Variants in SYAP1 observed in about 807,000 individuals in gnomAD.
SYAP1 encodes synapse-associated protein 1.
SYAP1 carries 3 observed loss-of-function variants against 29.6 expected under a neutral mutation model. The observed-to-expected ratio is 0.10, with a 90% CI of 0.05 to 0.26. The LOEUF is 0.26. SYAP1 is among the 10% of genes least tolerant of loss of function. The probability of loss-of-function intolerance (pLI) is 1.00; values close to 1 mark genes in which losing one functional copy is unlikely to be tolerated. For synonymous variants in SYAP1, 102 were observed against 102.7 expected, an observed-to-expected ratio of 0.99 and a Z score of 0.04; for missense variants, 217 against 264.1, an observed-to-expected ratio of 0.82 and a Z score of 1.24.
At chrX:16,724,320 G>A (rs998334498) in intron 1 of SYAP1, among the ~76,000 whole-genome samples, 6 of 111,502 alleles carry the variant, frequency 5.4e-5, no homozygotes, top group Non-Finnish European at 9.4e-5. Flanking sequence ...GGGACTGGTC[G>A]TATAGGTATC....
chrX:16,729,038 CG>C (rs775954157), intron 1 of SYAP1, among the ~76,000 whole-genome samples: 47 of 73,455 alleles, frequency 6.4e-4, no homozygotes, highest in East Asian at 1.1e-3. Flanking sequence ...GCAGCTATCT[CG>C]AAAAAAAAAA....
chrX:16,721,119 C>A (rs746741633), intron 1 of SYAP1, among the ~76,000 whole-genome samples: 2 of 92,106 alleles, frequency 2.2e-5, no homozygotes, highest in Non-Finnish European at 4.0e-5. Flanking sequence ...ATACTAAGTT[C>A]AGCAACATTT....
chrX:16,742,920 ATTT>A (rs761130108), intron 4 of SYAP1, among the ~76,000 whole-genome samples: 1 of 62,992 alleles, frequency 1.6e-5, no homozygotes, highest in Non-Finnish European at 2.9e-5. Flanking sequence ...GTCCGCTTCT[ATTT>A]TTTTTTTTTT....
intron 1 of SYAP1, among the ~76,000 whole-genome samples, chrX:16,720,686 C>G (rs887552185): frequency 1.8e-5 from 2 of 111,893 alleles, no homozygotes; most frequent in African/African-American, 6.5e-5. Context: ...ATTCTCATTT[C>G]TGGAGAGACC....
intron 1 of SYAP1, among the ~76,000 whole-genome samples, chrX:16,729,041 A>G (rs1369492732): frequency 2.2e-5 from 2 of 89,086 alleles, no homozygotes; most frequent in Admixed American, 2.5e-4. Context: ...GCTATCTCGA[A>G]AAAAAAAAAA....
In SYAP1 at chrX:16,735,012, A is replaced by C. The variant is rs917904290; in HGVS notation, c.176-215A>C. Among the ~76,000 whole-genome samples, 34 of 106,500 alleles carry C rather than the reference A, an allele frequency of 3.2e-4. 1 individual carries two copies. The highest frequency in any genetic ancestry group is 4.8e-4 in the Non-Finnish European group (25 of 51,804). The allele number at this position is 106,500 out of a possible 115,157, so 92.5% of individuals were successfully genotyped here. On this transcript the variant is annotated intron_variant, in intron 1 of 8. Transcript: ENST00000380155. ...AGACTGTCTCAAAAAAAAAAAAAAA[A>C]AAAAAAAAAACAAAAAAAGAGATGA...
chrX:16,754,934 T>G lies in SYAP1; in HGVS notation c.576-11T>G, dbSNP rs968643804. 5.0e-6 allele frequency: 6 copies of G among 1,207,334 alleles called. No individual in the cohort carries two copies. Among genetic ancestry groups the G allele is most frequent in the African/African-American group, 1.8e-5 (1 of 57,132 alleles). ...CTTTTTCCACTGTTCTAATTTGCCT[T>G]TCTTTAAAAGTGTGAAGGAAGAAGT... is the stretch of plus-strand genomic sequence containing the variant. On this transcript the variant is annotated splice_polypyrimidine_tract_variant and intron_variant, in intron 5 of 8. Coordinates refer to ENST00000380155, the MANE Select transcript of SYAP1 (RefSeq NM_032796.4).
intron 3 of SYAP1, among the ~76,000 whole-genome samples, chrX:16,739,921 C>T (rs73630569): frequency 0.035 from 3,931 of 111,197 alleles, 141 homozygotes; most frequent in East Asian, 0.13. Flanking sequence ...CTGTGGGTTG[C>T]TGAATGAGGC....
chrX:16,729,461 G>A (rs1926157737), intron 1 of SYAP1, among the ~76,000 whole-genome samples: 1 of 103,815 alleles, frequency 9.6e-6, no homozygotes, highest in Middle Eastern at 4.9e-3. Context: ...AACCTGTTAT[G>A]CTTTTATTTT....
chrX:16,737,443 G>GA (rs1288216619), intron 3 of SYAP1, among the ~76,000 whole-genome samples: 5 of 111,989 alleles, frequency 4.5e-5, no homozygotes, highest in African/African-American at 1.6e-4. Flanking sequence ...ATCCCATGGT[G>GA]AATTTCCATC....
intron 5 of SYAP1, among the ~76,000 whole-genome samples, chrX:16,752,406 T>TA (rs1408242836): frequency 9.0e-4 from 95 of 105,641 alleles, no homozygotes; most frequent in Non-Finnish European, 1.6e-3. Context: ...TTATTATTAT[T>TA]TTGAAACACA....
At chrX:16,741,815 A>G (rs745605630) in intron 4 of SYAP1, 26 bp downstream of exon 4, 1 of 1,045,147 alleles carries the variant, frequency 9.6e-7, no homozygotes, top group Non-Finnish European at 1.3e-6. Flanking sequence ...TACCCCAGAT[A>G]GAACATACTT....
At position 16,762,968 on chromosome X, in the gene SYAP1, C is replaced by T. The variant is rs1039395689; in HGVS notation, c.*2609C>T. On this transcript the variant is annotated 3_prime_UTR_variant, in exon 9 of 9. Coordinates refer to ENST00000380155, the MANE Select transcript of SYAP1 (RefSeq NM_032796.4). Reference sequence around the variant, plus strand: ...ATTACAGGTGTCTCCTCTGAGGTTCCAGTTATTTCTATACTACCAAAATTA... The same window carrying T: ...ATTACAGGTGTCTCCTCTGAGGTTCTAGTTATTTCTATACTACCAAAATTA... 2.7e-5 allele frequency: 3 copies of T among 111,427 alleles called. No individual in the cohort carries two copies. Among genetic ancestry groups the T allele is most frequent in the African/African-American group, 9.8e-5 (3 of 30,640 alleles). 9.2% of individuals were successfully genotyped at this position (111,427 alleles called of 1,213,427 possible).
chrX:16,733,529 A>G (rs1212863271), intron 1 of SYAP1, among the ~76,000 whole-genome samples: 2 of 111,312 alleles, frequency 1.8e-5, no homozygotes, highest in Non-Finnish European at 3.8e-5. Context: ...TGTGCCAGCT[A>G]TTTCTCATGA....
chrX:16,735,448 A>C, intron 2 of SYAP1, 103 bp downstream of exon 2: 1 of 520,791 alleles, frequency 1.9e-6, no homozygotes, highest in Non-Finnish European at 3.1e-6. Context: ...GTAGAATATC[A>C]TATTCTGATA....
rs760023867 is a variant in SYAP1 at position 16,743,664 on chromosome X, G to T, written c.436-37G>T. The T allele has an allele frequency of 1.2e-5, 14 of 1,166,019 alleles. No individual in the cohort carries two copies. In the Admixed American group the frequency reaches 1.5e-4, roughly 12 times the overall value. On this transcript the variant is annotated intron_variant, in intron 4 of 8. Coordinates refer to ENST00000380155, the MANE Select transcript of SYAP1 (RefSeq NM_032796.4). ...AATTGTTATCTATTAATCGCATTTT[G>T]TGGAATACCCTGTGTTTTTTTCTTT...
Sources: gnomAD v4.1 joint callset for allele counts (sites outside exome capture counted in the v4.1 genomes callset) on GRCh38, gnomAD v4.1.1 for gene constraint, MANE v1.5 for transcripts, NCBI Gene and HGNC (gene_info 2026-07-23, HGNC 2026-07-21) for gene names.